FRMD4B: variants seen among roughly 807,000 people sequenced by gnomAD.
FRMD4B encodes the protein FERM domain containing 4B, also known as FERM domain-containing protein 4B.
A neutral mutation model predicts 141.5 loss-of-function variants in FRMD4B; 74 were observed. That is an observed-to-expected ratio of 0.52 (90% CI 0.43 to 0.63). The LOEUF is 0.63. Among genes scored for constraint, FRMD4B ranks in the 30% least tolerant of loss-of-function variants. The pLI is 0.00. For missense variants in FRMD4B, 1,366 were observed against 1,253.4 expected, an observed-to-expected ratio of 1.09 and a Z score of -1.36; for synonymous variants, 506 against 467.9, an observed-to-expected ratio of 1.08 and a Z score of -1.05.
At chr3:69,421,169 T>C (rs1401073325) in intron 2 of FRMD4B, among the ~76,000 whole-genome samples, 1 of 152,174 alleles carries the variant, frequency 6.6e-6, no homozygotes, top group Non-Finnish European at 1.5e-5. Flanking sequence ...CCCCTTTTCC[T>C]CCACCCTCAC....
intron 3 of FRMD4B, 77 bp downstream of exon 3, chr3:69,311,186 T>G (rs961545949): frequency 1.5e-6 from 1 of 666,130 alleles, no homozygotes; most frequent in Middle Eastern, 2.9e-4. Context: ...CTTATTTCCT[T>G]TTTTGTTAAT....
chr3:69,517,584 C>T (rs1456130741), intron 1 of FRMD4B, among the ~76,000 whole-genome samples: 1 of 152,158 alleles, frequency 6.6e-6, no homozygotes, highest in East Asian at 1.9e-4. Context: ...CCAAAACTAT[C>T]AAAGGCCCCC....
intron 5 of FRMD4B, among the ~76,000 whole-genome samples, chr3:69,254,373 T>G (rs1270589194): frequency 1.3e-5 from 2 of 152,052 alleles, no homozygotes; most frequent in Non-Finnish European, 1.5e-5. Context: ...CCTCCCGAAG[T>G]GCTTAGATTA....
intron 2 of FRMD4B, among the ~76,000 whole-genome samples, chr3:69,419,200 A>G (rs1704926894): frequency 6.6e-6 from 1 of 152,232 alleles, no homozygotes; most frequent in South Asian, 2.1e-4. Context: ...TTACAGGAGT[A>G]GAAATCCAAC....
At chr3:69,484,400 T>G (rs1016584115) in intron 1 of FRMD4B, among the ~76,000 whole-genome samples, 2 of 152,192 alleles carry the variant, frequency 1.3e-5, no homozygotes, top group African/African-American at 2.4e-5. Flanking sequence ...TTTGGGGTGT[T>G]GATTTTCTGG....
chr3:69,260,612 G>C (rs1335444383), intron 5 of FRMD4B, among the ~76,000 whole-genome samples: 1 of 152,266 alleles, frequency 6.6e-6, no homozygotes, highest in Non-Finnish European at 1.5e-5. Flanking sequence ...TGGTCCCATC[G>C]ACCGCCTAAG....
rs186007730 is a variant in FRMD4B at position 69,173,684 on chromosome 3, T to A, written c.2985-1703A>T. Among the ~76,000 whole-genome samples, 422 of 152,324 alleles carry A rather than the reference T, an allele frequency of 2.8e-3. 2 individuals are homozygous for A. Among genetic ancestry groups the A allele is most frequent in the African/African-American group, 9.8e-3 (406 of 41,570 alleles). ...ACAAATGGATGGAAATAAGTACTTCTGTATCTCCGTGGCTGGAAAGGCAAA... is the reference window on the plus strand; with the variant it reads ...ACAAATGGATGGAAATAAGTACTTCAGTATCTCCGTGGCTGGAAAGGCAAA... On this transcript the variant is annotated intron_variant, in intron 22 of 22. Coordinates refer to ENST00000398540, the MANE Select transcript of FRMD4B (RefSeq NM_015123.3).
chr3:69,190,205 T>C (rs2092821219), intron 17 of FRMD4B, among the ~76,000 whole-genome samples: 1 of 152,228 alleles, frequency 6.6e-6, no homozygotes, highest in African/African-American at 2.4e-5. Flanking sequence ...GTGCTGGTTT[T>C]AAACTAGTTT....
At chr3:69,403,167 T>G (rs1037938637) in intron 2 of FRMD4B, among the ~76,000 whole-genome samples, 2 of 152,160 alleles carry the variant, frequency 1.3e-5, no homozygotes, top group Admixed American at 1.3e-4. Flanking sequence ...GCTTTGAAAC[T>G]TAGCAAGGGT....
intron 1 of FRMD4B, among the ~76,000 whole-genome samples, chr3:69,335,534 G>C (rs770291541): frequency 2.6e-5 from 4 of 151,772 alleles, no homozygotes; most frequent in Non-Finnish European, 5.9e-5. Context: ...ACCATGCCTG[G>C]CTAATTTTTG....
Position 69,218,359 on chromosome 3 carries a change from G to A in FRMD4B, c.752C>T (p.Ala251Val), listed in dbSNP as rs1469236095. The A allele has an allele frequency of 3.4e-6, 5 of 1,481,698 alleles. No homozygotes were observed. In the South Asian group the frequency reaches 3.5e-5, roughly 10 times the overall value. 91.8% of individuals were successfully genotyped at this position (1,481,698 alleles called of 1,614,324 possible). The change falls in exon 10 of 23, where the codon GCT (alanine) becomes GTT (valine). Residue 251 changes from alanine (A) to valine (V), a missense_variant. Coordinates refer to ENST00000398540, the MANE Select transcript of FRMD4B (RefSeq NM_015123.3). ...ATAATGGACACCGTAAGTCGGTAGAGCTTCTACTATTTTCATATACCTATG... is the reference window on the plus strand; with the variant it reads ...ATAATGGACACCGTAAGTCGGTAGAACTTCTACTATTTTCATATACCTATG... Reference protein sequence around the residue: ...AVVQYMKIVEALPTYGVHYYA... With the variant: ...AVVQYMKIVEVLPTYGVHYYA...
chr3:69,180,948 C>G lies in FRMD4B; in HGVS notation c.2802G>C (p.Gly934=), dbSNP rs755371188. Residue 934 remains glycine, a synonymous_variant, in exon 21 of 23, where the codon GGG becomes GGC. Coordinates refer to ENST00000398540, the MANE Select transcript of FRMD4B (RefSeq NM_015123.3). ...TGCTTGGAGAACAAGGTACTTGCAG[C>G]CCCGCAAACCCCAGGCATCTCTGTG... ...RGSQRCLGFA[G]LQVPCSPSSR... is the part of the protein sequence containing the mutation. 1.9e-6 allele frequency: 3 copies of G among 1,612,822 alleles called. No homozygotes were observed. Among genetic ancestry groups the G allele is most frequent in the Non-Finnish European group, 2.5e-6 (3 of 1,179,028 alleles).
intron 1 of FRMD4B, among the ~76,000 whole-genome samples, chr3:69,532,625 C>T (rs966170211): frequency 6.6e-6 from 1 of 152,204 alleles, no homozygotes; most frequent in Non-Finnish European, 1.5e-5. Context: ...CCCTCTCTCC[C>T]CAGCCCCTCC....
chr3:69,253,552 T>C (rs769089744), intron 5 of FRMD4B, among the ~76,000 whole-genome samples: 1 of 152,204 alleles, frequency 6.6e-6, no homozygotes, highest in Non-Finnish European at 1.5e-5. Context: ...TTATCTGTGC[T>C]ACAGCAATGA....
intron 1 of FRMD4B, among the ~76,000 whole-genome samples, chr3:69,488,088 A>T (rs888842828): frequency 6.6e-6 from 1 of 152,004 alleles, no homozygotes; most frequent in African/African-American, 2.4e-5. Context: ...AAAGAAAGAG[A>T]AAAAAAGAAA....
chr3:69,380,552 G>C (rs931636089), intron 1 of FRMD4B, among the ~76,000 whole-genome samples: 6 of 152,160 alleles, frequency 3.9e-5, no homozygotes, highest in Admixed American at 2.0e-4. Context: ...TAATGCGGCT[G>C]CTTCTGTTCC....
chr3:69,212,158 G>A (rs9840757), intron 11 of FRMD4B, among the ~76,000 whole-genome samples: 26 of 151,156 alleles, frequency 1.7e-4, no homozygotes, highest in Non-Finnish European at 2.7e-4. Flanking sequence ...TCAGGAGTTC[G>A]AGACCAGCTT....
intron 7 of FRMD4B, among the ~76,000 whole-genome samples, chr3:69,231,614 T>C (rs1358955328): frequency 6.6e-6 from 1 of 152,214 alleles, no homozygotes; most frequent in Non-Finnish European, 1.5e-5. Context: ...ATTTGTTCTT[T>C]ATACCAATAT....
At chr3:69,330,340 C>CTTTTTTTTTTTTT (rs34238889) in intron 1 of FRMD4B, among the ~76,000 whole-genome samples, 1 of 42,928 alleles carries the variant, frequency 2.3e-5, no homozygotes, top group Admixed American at 4.3e-4. Flanking sequence ...ATTCTTTTGC[C>CTTTTTTTTTTTTT]TTTTTTTTTT....
Sources: allele counts gnomAD v4.1 joint callset (sites outside exome capture counted in the v4.1 genomes callset), GRCh38; gene constraint gnomAD v4.1.1; transcripts MANE v1.5; gene names NCBI Gene and HGNC (gene_info 2026-07-23, HGNC 2026-07-21).